LONRF1: variants seen among roughly 807,000 people sequenced by gnomAD.
LONRF1 encodes the protein LON peptidase N-terminal domain and RING finger protein 1.
LONRF1 carries 37 observed loss-of-function variants against 85.8 expected under a neutral mutation model. That is an observed-to-expected ratio of 0.43 (90% CI 0.33 to 0.57). The LOEUF is 0.57. Ranked by LOEUF, LONRF1 falls within the 20% of genes least tolerant of loss-of-function variation. The pLI, the probability that LONRF1 is intolerant of heterozygous loss-of-function variation, is 0.04. For synonymous variants in LONRF1, 517 were observed against 390.1 expected, an observed-to-expected ratio of 1.33 and a Z score of -3.83; for missense variants, 1,036 against 978.0, an observed-to-expected ratio of 1.06 and a Z score of -0.79.
chr8:12,741,136 C>A (rs908188809), intron 2 of LONRF1, 140 bp from the exon 3 acceptor site: 3 of 819,510 alleles, frequency 3.7e-6, no homozygotes, highest in Non-Finnish European at 5.6e-6. Context: ...GTAATCCCAG[C>A]ACTTTGGGAG....
intron 6 of LONRF1, chr8:12,735,631 G>T: frequency 2.1e-6 from 1 of 478,936 alleles, no homozygotes; most frequent in African/African-American, 1.9e-5. Flanking sequence ...AGGGCCTAGA[G>T]CTGTCCTGAC....
intron 7 of LONRF1, among the ~76,000 whole-genome samples, chr8:12,735,064 C>A (rs951223734): frequency 1.3e-5 from 2 of 151,954 alleles, no homozygotes; most frequent in Non-Finnish European, 2.9e-5. Flanking sequence ...AAATTAAGTA[C>A]AAGGGGGTTG....
chr8:12,728,069 C>T (rs1005717050), intron 10 of LONRF1, among the ~76,000 whole-genome samples: 1 of 152,154 alleles, frequency 6.6e-6, no homozygotes, highest in East Asian at 1.9e-4. Flanking sequence ...ATACCTAATG[C>T]CAATATCCAA....
chr8:12,745,142 T>C (rs746796274), intron 1 of LONRF1, among the ~76,000 whole-genome samples: 6 of 152,112 alleles, frequency 3.9e-5, no homozygotes, highest in Non-Finnish European at 8.8e-5. Context: ...ATTCGGGATA[T>C]TGAGATCTCC....
chr8:12,728,795 G>C, intron 10 of LONRF1, 106 bp downstream of exon 10: 2 of 1,248,568 alleles, frequency 1.6e-6, no homozygotes, highest in Admixed American at 4.1e-5. Flanking sequence ...TGGTAAGGCT[G>C]TCTGATAAGA....
Position 12,755,424 on chromosome 8 carries a change from C to G in LONRF1, c.-4G>C. On this transcript the variant is annotated 5_prime_UTR_variant, in exon 1 of 12. Coordinates refer to ENST00000398246, the MANE Select transcript of LONRF1 (RefSeq NM_152271.5). Reference sequence around the variant, plus strand: ...TCGCCACCGCCGGAGAGGACATGGCCCGCGGAGGGCTGCGCCGCCGCCGCC... The same window carrying G: ...TCGCCACCGCCGGAGAGGACATGGCGCGCGGAGGGCTGCGCCGCCGCCGCC... The G allele has an allele frequency of 8.8e-7, 1 of 1,141,808 alleles. No homozygotes were observed. The highest frequency in any genetic ancestry group is 4.2e-5 in the South Asian group (1 of 23,990). 70.7% of individuals were successfully genotyped at this position (1,141,808 alleles called of 1,614,324 possible).
chr8:12,755,516 G>C lies in LONRF1; in HGVS notation c.-96C>G, dbSNP rs1799612739. On this transcript the variant is annotated 5_prime_UTR_variant, in exon 1 of 12. Transcript: ENST00000398246. ...ACGCGGCCCGCGAGCAGGGGGGCGTGGCGCGCGGACACGGCGGGGCTGCGC... is the reference window on the plus strand; with the variant it reads ...ACGCGGCCCGCGAGCAGGGGGGCGTCGCGCGCGGACACGGCGGGGCTGCGC... 1.8e-5 allele frequency: 10 copies of C among 556,042 alleles called. No individual in the cohort carries two copies. The highest frequency in any genetic ancestry group is 2.3e-5 in the Non-Finnish European group (10 of 439,336). The allele number at this position is 556,042 out of a possible 1,614,324, so 34.4% of individuals were successfully genotyped here. A position where few individuals can be genotyped will look rare whatever the true frequency, so the allele number is the denominator to read the frequency against.
At chr8:12,736,875 T>C in intron 5 of LONRF1, 25 bp downstream of exon 5, 3 of 1,583,754 alleles carry the variant, frequency 1.9e-6, no homozygotes, top group East Asian at 2.3e-5. Context: ...ATTTATTTTA[T>C]ATAAGTGTAG....
intron 3 of LONRF1, among the ~76,000 whole-genome samples, chr8:12,740,228 C>T (rs890762539): frequency 6.6e-6 from 1 of 152,200 alleles, no homozygotes; most frequent in South Asian, 2.1e-4. Context: ...AAGAATTTTT[C>T]GAAGATATTC....
chr8:12,737,052 A>T lies in LONRF1; in HGVS notation c.1202T>A (p.Met401Lys). ...TTTTAAACAGTCCTCTCTGGCAGGC[A>T]TTTCTGTTGAATTTATAGACTGTGC... ...QSAQSINSTE[M>K]PAREDCLKRV... Residue 401 changes from methionine to lysine, a missense_variant, in exon 5 of 12, where the codon ATG becomes AAG. Physicochemically the swap from Met to Lys is moderately conservative, Grantham distance 95 (BLOSUM62 -1). Around this residue, in one of 3 missense-constraint regions of LONRF1, gnomAD observed 742 missense variants for 614.4 expected, o/e 1.21. Transcript: ENST00000398246. 2 of 1,613,702 alleles carry T rather than the reference A, an allele frequency of 1.2e-6. No homozygotes were observed. Among genetic ancestry groups the T allele is most frequent in the South Asian group, 2.2e-5 (2 of 91,082 alleles).
chr8:12,728,816 G>C, intron 10 of LONRF1, 85 bp downstream of exon 10: 1 of 1,472,592 alleles, frequency 6.8e-7, no homozygotes, highest in Non-Finnish European at 9.4e-7. Flanking sequence ...ACTGGTTCAT[G>C]CACCTAGAAA....
chr8:12,738,584 C>T (rs1798811075), intron 3 of LONRF1: 1 of 152,424 alleles, frequency 6.6e-6, no homozygotes, highest in African/African-American at 2.4e-5. Context: ...TACAAAACTA[C>T]AAAATTCCCT....
chr8:12,745,569 T>C (rs1276416788), intron 1 of LONRF1, among the ~76,000 whole-genome samples: 1 of 152,224 alleles, frequency 6.6e-6, no homozygotes, highest in Non-Finnish European at 1.5e-5. Context: ...GTATTTACTG[T>C]ATGCTCTCTA....
chr8:12,746,946 G>T (rs139103932), intron 1 of LONRF1, among the ~76,000 whole-genome samples: 2 of 152,116 alleles, frequency 1.3e-5, no homozygotes, highest in Non-Finnish European at 2.9e-5. Context: ...AAAGCATGGC[G>T]TGTTTGCTAT....
intron 4 of LONRF1, 23 bp from the exon 5 acceptor site, chr8:12,737,163 G>C (rs748919481): frequency 6.2e-7 from 1 of 1,605,452 alleles, no homozygotes; most frequent in Non-Finnish European, 8.5e-7. Flanking sequence ...AATAAACAAA[G>C]GTAACTGTAT....
chr8:12,733,960 T>C (rs1031753261), intron 7 of LONRF1, among the ~76,000 whole-genome samples: 2 of 152,178 alleles, frequency 1.3e-5, no homozygotes, highest in African/African-American at 4.8e-5. Context: ...GCTTAGTATA[T>C]ATTTTTCAAT....
At chr8:12,741,966 G>A (rs1385480256) in intron 2 of LONRF1, among the ~76,000 whole-genome samples, 1 of 152,166 alleles carries the variant, frequency 6.6e-6, no homozygotes, top group Non-Finnish European at 1.5e-5. Context: ...AATGTTCCTT[G>A]CTTATGTGAT....
intron 1 of LONRF1, among the ~76,000 whole-genome samples, chr8:12,747,989 GCTT>G (rs560549455): frequency 8.2e-4 from 125 of 152,024 alleles, no homozygotes; most frequent in Admixed American, 6.5e-3. Context: ...TTTATAATCT[GCTT>G]TTTTTCCCAT....
intron 3 of LONRF1, among the ~76,000 whole-genome samples, chr8:12,739,484 G>A (rs932514912): frequency 6.6e-6 from 1 of 152,092 alleles, no homozygotes; most frequent in Non-Finnish European, 1.5e-5. Flanking sequence ...GGGGATGGAG[G>A]ATTTACTGGA....
Sources: allele counts gnomAD v4.1 joint callset (sites outside exome capture counted in the v4.1 genomes callset), GRCh38; gene constraint gnomAD v4.1.1; regional missense constraint gnomAD v4.1.1; transcripts MANE v1.5; gene names NCBI Gene and HGNC (gene_info 2026-07-23, HGNC 2026-07-21).